Variants in HK2 observed in about 807,000 individuals in gnomAD.
HK2 encodes the protein hexokinase-2.
Under a neutral mutation model 92.9 loss-of-function variants are expected in HK2, and 42 were observed. The observed-to-expected ratio is 0.45, with a 90% CI of 0.35 to 0.58. HK2 has a LOEUF of 0.58. HK2 is among the 20% of genes least tolerant of loss of function. The pLI is 0.00. For synonymous variants in HK2, 422 were observed against 468.0 expected, an observed-to-expected ratio of 0.90 and a Z score of 1.27; for missense variants, 978 against 1,245.1, an observed-to-expected ratio of 0.79 and a Z score of 3.23.
Position 74,886,580 on chromosome 2 carries a change from G to C in HK2, c.2126G>C (p.Trp709Ser). The C allele has an allele frequency of 6.2e-7, 1 of 1,614,064 alleles. No individual in the cohort carries two copies. Among genetic ancestry groups the C allele is most frequent in the Non-Finnish European group, 8.5e-7 (1 of 1,180,008 alleles). The change falls in exon 15 of 18, where the codon TGG becomes TCG. Residue 709 changes from tryptophan (W) to serine (S), a missense_variant. Trp to Ser is a radical substitution (Grantham distance 177). Coordinates refer to ENST00000290573, the MANE Select transcript of HK2 (RefSeq NM_000189.5). ...GGGCGGATGTGTGTGAACATGGAAT[G>C]GGGGGCCTTCGGGGACAATGGATGC... The part of the protein sequence containing the change: ...EEGRMCVNME[W>S]GAFGDNGCLD...
At chr2:74,848,591 G>A (rs981777605) in intron 1 of HK2, among the ~76,000 whole-genome samples, 1 of 152,226 alleles carries the variant, frequency 6.6e-6, no homozygotes, top group African/African-American at 2.4e-5. Flanking sequence ...GGGATTGAAT[G>A]ATACGGATCT....
At chr2:74,852,491 G>T (rs777922771) in intron 1 of HK2, among the ~76,000 whole-genome samples, 1 of 152,156 alleles carries the variant, frequency 6.6e-6, no homozygotes, top group Non-Finnish European at 1.5e-5. Flanking sequence ...AAATGTCCTT[G>T]TTGGGGAGGC....
intron 12 of HK2, among the ~76,000 whole-genome samples, chr2:74,883,184 TG>T (rs1168824073): frequency 6.6e-6 from 1 of 152,216 alleles, no homozygotes; most frequent in Non-Finnish European, 1.5e-5. Flanking sequence ...TGCCGGTGTG[TG>T]GTATGTTGCA....
chr2:74,871,116 C>T (rs1052994357), intron 3 of HK2, among the ~76,000 whole-genome samples: 9 of 152,232 alleles, frequency 5.9e-5, no homozygotes, highest in East Asian at 1.9e-4. Flanking sequence ...ACCTGGAGGG[C>T]GGAAGGCTTG....
intron 9 of HK2, among the ~76,000 whole-genome samples, chr2:74,879,918 C>G (rs914773945): frequency 2.0e-5 from 3 of 152,194 alleles, no homozygotes; most frequent in Non-Finnish European, 2.9e-5. Context: ...CAGGGCTGCT[C>G]CAGCAAAGAG....
In HK2 at chr2:74,845,702, G is replaced by A. The variant is rs575350493; in HGVS notation, c.64-8591G>A. On this transcript the variant is annotated intron_variant, in intron 1 of 17. Coordinates refer to ENST00000290573, the MANE Select transcript of HK2 (RefSeq NM_000189.5). ...CCTGAGGTGGCATGGCTGCCCTGGC[G>A]AGGACAAGTTCCTTGTCCCATCTGA... Among the ~76,000 whole-genome samples, 210 of 152,338 alleles carry A rather than the reference G, an allele frequency of 1.4e-3. 1 individual carries two copies. Among genetic ancestry groups the A allele is most frequent in the Middle Eastern group, 6.8e-3 (2 of 294 alleles).
Position 74,873,314 on chromosome 2 carries a change from T to C in HK2, c.534T>C (p.Ser178=), listed in dbSNP as rs1412146585. 1.9e-6 allele frequency: 3 copies of C among 1,613,870 alleles called. No individual in the cohort carries two copies. Among genetic ancestry groups the C allele is most frequent in the Middle Eastern group, 1.6e-4 (1 of 6,084 alleles). ...CATGGACCAAGGGATTCAAGTCCAG[T>C]GGAGTGGAAGGCAGAGACGTTGTGG... The part of the protein sequence containing the change: ...LVSWTKGFKS[S]GVEGRDVVAL... The change falls in exon 5 of 18, where the codon AGT becomes AGC. Residue 178 remains serine, a synonymous_variant. Transcript: ENST00000290573.
At chr2:74,857,901 C>T (rs1020038174) in intron 2 of HK2, among the ~76,000 whole-genome samples, 5 of 152,140 alleles carry the variant, frequency 3.3e-5, no homozygotes, top group African/African-American at 9.7e-5. Flanking sequence ...GGGTGCCTGC[C>T]GCTGCTGCTG....
chr2:74,880,363 T>C lies in HK2; in HGVS notation c.1364T>C (p.Met455Thr). Residue 455 changes from methionine to threonine, a missense_variant, in exon 10 of 18, where the codon ATG (methionine) becomes ACG (threonine). By Grantham distance (81) the Met-to-Thr change is moderately conservative. Around this residue, in one of 3 missense-constraint regions of HK2, gnomAD observed 742 missense variants for 922.5 expected, o/e 0.80. Coordinates refer to ENST00000290573, the MANE Select transcript of HK2 (RefSeq NM_000189.5). ...GATGGCAGTGGCAAAGGTGCAGCCA[T>C]GGTGACAGCAGTGGCTTACCGGCTG... Reference protein sequence around the residue: ...SEDGSGKGAAMVTAVAYRLAD... With the variant: ...SEDGSGKGAATVTAVAYRLAD... The C allele has an allele frequency of 6.2e-7, 1 of 1,614,232 alleles. No homozygotes were observed. The highest frequency in any genetic ancestry group is 8.5e-7 in the Non-Finnish European group (1 of 1,180,036).
chr2:74,886,313 T>C lies in HK2; in HGVS notation c.1955T>C (p.Val652Ala), dbSNP rs1461921936. 7.4e-6 allele frequency: 12 copies of C among 1,614,156 alleles called. No individual in the cohort carries two copies. Among genetic ancestry groups the C allele is most frequent in the Non-Finnish European group, 1.0e-5 (12 of 1,180,024 alleles). The change falls in exon 14 of 18, where the codon GTT (valine) becomes GCT (alanine). Residue 652 changes from valine (V) to alanine (A), a missense_variant. By Grantham distance (64) the Val-to-Ala change is moderately conservative (BLOSUM62 0). Around this residue, in one of 3 missense-constraint regions of HK2, gnomAD observed 742 missense variants for 922.5 expected, o/e 0.80. Coordinates refer to ENST00000290573, the MANE Select transcript of HK2 (RefSeq NM_000189.5). ...HRREEFDLDV[V>A]AVVNDTVGTM... ...TCTCAGGAGTTTGACCTGGATGTGG[T>C]TGCTGTGGTGAACGACACAGTCGGA...
intron 10 of HK2, 64 bp downstream of exon 10, chr2:74,880,633 G>T: frequency 2.6e-6 from 4 of 1,512,004 alleles, no homozygotes. Context: ...GATACCCTGG[G>T]AGGGATCCCT....
Position 74,852,600 on chromosome 2 carries a change from AG to A in HK2, c.64-1692del, listed in dbSNP as rs372563237. On this transcript the variant is annotated intron_variant, in intron 1 of 17. Coordinates refer to ENST00000290573, the MANE Select transcript of HK2 (RefSeq NM_000189.5). ...GGAGGGTGGGGGGCTAGTGCCCCAC[AG>A]CCCTGGAGGTTGTGGTAGATTCCAG... Among the ~76,000 whole-genome samples the A allele has an allele frequency of 3.3e-5, 5 of 152,082 alleles. No homozygotes were observed. The East Asian group carries it at 9.6e-4, about 29-fold the overall frequency.
At chr2:74,862,997 G>A (rs1485116315) in intron 2 of HK2, among the ~76,000 whole-genome samples, 9 of 152,180 alleles carry the variant, frequency 5.9e-5, no homozygotes, top group South Asian at 2.1e-4. Flanking sequence ...TTGAACCCAG[G>A]TCTGCCTGCC....
intron 1 of HK2, among the ~76,000 whole-genome samples, chr2:74,846,485 G>T (rs1404794368): frequency 1.3e-5 from 2 of 152,142 alleles, no homozygotes; most frequent in East Asian, 1.9e-4. Context: ...AACAGCATAG[G>T]TCTGTTTTTG....
Position 74,873,914 on chromosome 2 carries a change from A to G in HK2, c.662A>G (p.Asp221Gly). 6.2e-7 allele frequency: 1 copy of G among 1,613,876 alleles called. No individual in the cohort carries two copies. Among genetic ancestry groups the G allele is most frequent in the Non-Finnish European group, 8.5e-7 (1 of 1,179,774 alleles). The stretch of plus-strand genomic sequence containing the variant: ...ACCATGATGACCTGTGGTTATGATG[A>G]CCACAACTGTGAGATTGGTCTCATT... Reference protein sequence around the residue: ...VGTMMTCGYDDHNCEIGLIVG... With the variant: ...VGTMMTCGYDGHNCEIGLIVG... The change falls in exon 6 of 18, where the codon GAC (aspartate) becomes GGC (glycine). Residue 221 changes from aspartate to glycine, a missense_variant. Transcript: ENST00000290573.
intron 3 of HK2, among the ~76,000 whole-genome samples, chr2:74,870,103 G>C (rs551683674): frequency 3.5e-4 from 53 of 150,832 alleles, no homozygotes; most frequent in Non-Finnish European, 7.1e-4. Flanking sequence ...CTGCCCCCCA[G>C]GTTCAAGCGA....
intron 12 of HK2, among the ~76,000 whole-genome samples, chr2:74,883,500 G>T (rs28363039): frequency 6.6e-6 from 1 of 152,192 alleles, no homozygotes; most frequent in Non-Finnish European, 1.5e-5. Flanking sequence ...CTGGGCCAGC[G>T]CAGAAGAGCC....
intron 2 of HK2, among the ~76,000 whole-genome samples, chr2:74,857,664 GATAAATTTAAAAAAA>G (rs921275350): frequency 1.3e-5 from 2 of 151,968 alleles, no homozygotes; most frequent in African/African-American, 4.8e-5. Context: ...AACAAAAATA[GATAAATTTAAAAAAA>G]ATAAAGTGGT....
Position 74,872,312 on chromosome 2 carries a change from A to G in HK2, c.388A>G (p.Ile130Val). Residue 130 changes from isoleucine to valine, a missense_variant, in exon 4 of 18, where the codon ATT (isoleucine) becomes GTT (valine). Ile to Val is a conservative substitution (Grantham distance 29). Transcript: ENST00000290573. Reference sequence around the variant, plus strand: ...CATGTATCCTTAGCTGTTTGACCACATTGCCGAATGCCTGGCTAACTTCAT... The same window carrying G: ...CATGTATCCTTAGCTGTTTGACCACGTTGCCGAATGCCTGGCTAACTTCAT... ...RGSGTQLFDHIAECLANFMDK... is the reference protein window; with the variant it reads ...RGSGTQLFDHVAECLANFMDK... 3 of 1,614,066 alleles carry G rather than the reference A, an allele frequency of 1.9e-6. No homozygotes were observed. The highest frequency in any genetic ancestry group is 2.2e-5 in the East Asian group (1 of 44,882).
Sources: allele counts gnomAD v4.1 joint callset (sites outside exome capture counted in the v4.1 genomes callset), GRCh38; gene constraint gnomAD v4.1.1; regional missense constraint gnomAD v4.1.1; transcripts MANE v1.5; gene names NCBI Gene and HGNC (gene_info 2026-07-23, HGNC 2026-07-21).